Variants in RPTOR observed in about 807,000 individuals in gnomAD.
RPTOR encodes the protein regulatory associated protein of MTOR complex 1, also known as regulatory-associated protein of mTOR.
A neutral mutation model predicts 169.9 loss-of-function variants in RPTOR; 21 were observed. That is an observed-to-expected ratio of 0.12 (90% CI 0.09 to 0.18). The LOEUF is 0.18. RPTOR is among the 10% of genes least tolerant of loss of function. The pLI is 1.00. For synonymous variants in RPTOR, 732 were observed against 753.2 expected, an observed-to-expected ratio of 0.97 and a Z score of 0.46; for missense variants, 1,133 against 1,855.9, an observed-to-expected ratio of 0.61 and a Z score of 7.16.
chr17:80,881,857 G>T (rs1259692056), intron 14 of RPTOR, among the ~76,000 whole-genome samples: 3 of 152,148 alleles, frequency 2.0e-5, no homozygotes, highest in African/African-American at 7.2e-5. Context: ...ATTCTTAAAT[G>T]ACTGACTAGA....
At chr17:80,627,136 G>A (rs993798848) in intron 2 of RPTOR, among the ~76,000 whole-genome samples, 1 of 152,040 alleles carries the variant, frequency 6.6e-6, no homozygotes, top group Non-Finnish European at 1.5e-5. Flanking sequence ...TTCTCCTGCC[G>A]CAGCCTCGCA....
At chr17:80,880,962 T>A (rs1456327095) in intron 14 of RPTOR, among the ~76,000 whole-genome samples, 1 of 152,192 alleles carries the variant, frequency 6.6e-6, no homozygotes, top group African/African-American at 2.4e-5. Context: ...AAAGTTTAAA[T>A]TTTCAGTATA....
intron 20 of RPTOR, among the ~76,000 whole-genome samples, chr17:80,895,416 C>T (rs2068386185): frequency 6.6e-6 from 1 of 152,234 alleles, no homozygotes; most frequent in African/African-American, 2.4e-5. Context: ...GGACTGCAGA[C>T]GTGCTGTACG....
intron 9 of RPTOR, among the ~76,000 whole-genome samples, chr17:80,831,047 G>T (rs2067498301): frequency 1.3e-5 from 2 of 152,234 alleles, no homozygotes; most frequent in South Asian, 4.1e-4. Flanking sequence ...CGCCCAATAG[G>T]GAACATCATT....
Position 80,922,755 on chromosome 17 carries a change from T to C in RPTOR, c.2552T>C (p.Leu851Pro). 1.3e-6 allele frequency: 2 copies of C among 1,589,406 alleles called. No individual in the cohort carries two copies. Among genetic ancestry groups the C allele is most frequent in the Non-Finnish European group, 1.7e-6 (2 of 1,171,972 alleles). Residue 851 changes from leucine to proline, a missense_variant, in exon 22 of 34, where the codon CTG becomes CCG. Transcript: ENST00000306801. ...ATVNARPQRV[L>P]DTSSLTQSAP... The stretch of plus-strand genomic sequence containing the variant: ...GTGAACGCCCGGCCGCAGCGCGTCC[T>C]GGACACCTCCTCCCTCACGCAGTCG...
chr17:80,666,484 A>C (rs1444728863), intron 3 of RPTOR, among the ~76,000 whole-genome samples: 1 of 152,222 alleles, frequency 6.6e-6, no homozygotes, highest in African/African-American at 2.4e-5. Flanking sequence ...GCCTGGGCAG[A>C]GTGTAGGAAG....
chr17:80,848,421 A>C (rs761363027), intron 11 of RPTOR, among the ~76,000 whole-genome samples: 1 of 152,278 alleles, frequency 6.6e-6, no homozygotes, highest in African/African-American at 2.4e-5. Context: ...AGATTCGTTT[A>C]AGACTATCCT....
At chr17:80,842,971 C>T (rs2067687353) in intron 10 of RPTOR, among the ~76,000 whole-genome samples, 1 of 152,212 alleles carries the variant, frequency 6.6e-6, no homozygotes, top group African/African-American at 2.4e-5. Flanking sequence ...TTGTTCTTTG[C>T]ACCAGGACCA....
At chr17:80,828,204 A>G (rs2067465590) in intron 9 of RPTOR, among the ~76,000 whole-genome samples, 1 of 152,134 alleles carries the variant, frequency 6.6e-6, no homozygotes, top group Non-Finnish European at 1.5e-5. Context: ...AACGAGTCTG[A>G]TCAGGCAGAG....
At chr17:80,769,593 G>A (rs1258986882) in intron 6 of RPTOR, among the ~76,000 whole-genome samples, 1 of 152,194 alleles carries the variant, frequency 6.6e-6, no homozygotes, top group Non-Finnish European at 1.5e-5. Flanking sequence ...TCTCATCAGT[G>A]CTCTTCTTGG....
chr17:80,617,466 A>G (rs2065320556), intron 1 of RPTOR, among the ~76,000 whole-genome samples: 1 of 152,234 alleles, frequency 6.6e-6, no homozygotes, highest in Non-Finnish European at 1.5e-5. Flanking sequence ...AACACTGTTT[A>G]ATATACGCCA....
chr17:80,832,453 C>T (rs1180730018), intron 9 of RPTOR, among the ~76,000 whole-genome samples: 1 of 152,190 alleles, frequency 6.6e-6, no homozygotes, highest in Non-Finnish European at 1.5e-5. Context: ...TCTGGTCCAG[C>T]CTCATCCAGG....
intron 13 of RPTOR, among the ~76,000 whole-genome samples, chr17:80,867,349 T>A (rs752239403): frequency 3.5e-4 from 49 of 141,140 alleles, no homozygotes; most frequent in Non-Finnish European, 7.1e-4. Flanking sequence ...AAATCTGAGA[T>A]CCACTTCTGA....
chr17:80,557,354 C>T (rs2084422126), intron 1 of RPTOR, among the ~76,000 whole-genome samples: 1 of 151,732 alleles, frequency 6.6e-6, no homozygotes, highest in Admixed American at 6.6e-5. Context: ...ACACCCATCT[C>T]TACCAAAAAT....
chr17:80,920,076 C>CT (rs768534883), intron 21 of RPTOR, among the ~76,000 whole-genome samples: 1 of 152,206 alleles, frequency 6.6e-6, no homozygotes, highest in Non-Finnish European at 1.5e-5. Flanking sequence ...GCTGCGCTCT[C>CT]TAAGATGGTG....
chr17:80,672,173 CTT>C (rs2143683800), intron 3 of RPTOR, among the ~76,000 whole-genome samples: 1 of 152,226 alleles, frequency 6.6e-6, no homozygotes, highest in African/African-American at 2.4e-5. Flanking sequence ...GTTAAGATCT[CTT>C]TATGCTCACA....
intron 3 of RPTOR, among the ~76,000 whole-genome samples, chr17:80,648,825 G>T (rs1006879672): frequency 6.6e-6 from 1 of 152,146 alleles, no homozygotes; most frequent in African/African-American, 2.4e-5. Context: ...GGGGAACCCA[G>T]TGGGAGGTAA....
intron 5 of RPTOR, chr17:80,743,277 G>A (rs2143266472): frequency 2.0e-6 from 2 of 985,502 alleles, no homozygotes; most frequent in South Asian, 9.4e-5. Context: ...TGAACAAAAT[G>A]TTTCCGGGGG....
intron 21 of RPTOR, among the ~76,000 whole-genome samples, chr17:80,912,441 G>C (rs2068624189): frequency 6.6e-6 from 1 of 152,162 alleles, no homozygotes; most frequent in African/African-American, 2.4e-5. Context: ...AGTGGCTTTT[G>C]TGTATTTAAC....
Sources: gnomAD v4.1 joint callset for allele counts (sites outside exome capture counted in the v4.1 genomes callset) on GRCh38, gnomAD v4.1.1 for gene constraint, MANE v1.5 for transcripts, NCBI Gene and HGNC (gene_info 2026-07-23, HGNC 2026-07-21) for gene names.